The following MFHAS1 variants were observed in gnomAD, a reference collection of about 807,000 sequenced individuals.
MFHAS1 encodes the protein multifunctional ROCO family signaling regulator 1, also known as malignant fibrous histiocytoma-amplified sequence 1.
MFHAS1 carries 50 observed loss-of-function variants against 70.4 expected under a neutral mutation model. The observed-to-expected ratio is 0.71, with a 90% CI of 0.57 to 0.90. The LOEUF is 0.90. MFHAS1 is among the 40% of genes least tolerant of loss of function. MFHAS1 has a pLI of 0.00. For synonymous variants in MFHAS1, 952 were observed against 620.0 expected, an observed-to-expected ratio of 1.54 and a Z score of -7.96; for missense variants, 1,795 against 1,347.6, an observed-to-expected ratio of 1.33 and a Z score of -5.20.
At position 8,813,206 on chromosome 8, in the gene MFHAS1, G is replaced by C. The variant is rs139432931; in HGVS notation, c.2999-15715C>G. On this transcript the variant is annotated intron_variant, in intron 1 of 2. Transcript: ENST00000276282. Reference sequence around the variant, plus strand: ...TTATTCTTATGTTTGCAGTGATGCTGGTATAAACCACCTACTTCACTGCCA... The same window carrying C: ...TTATTCTTATGTTTGCAGTGATGCTCGTATAAACCACCTACTTCACTGCCA... 1.8e-4 allele frequency among the ~76,000 whole-genome samples: 28 copies of C among 152,270 alleles called. No individual in the cohort carries two copies. In the East Asian group the frequency reaches 4.6e-3, roughly 25 times the overall value.
At chr8:8,828,668 C>G (rs544444898) in intron 1 of MFHAS1, among the ~76,000 whole-genome samples, 1 of 152,240 alleles carries the variant, frequency 6.6e-6, no homozygotes, top group South Asian at 2.1e-4. Context: ...GAAGGAATAA[C>G]TGGAGATGCC....
At chr8:8,815,923 G>A (rs1380555419) in intron 1 of MFHAS1, among the ~76,000 whole-genome samples, 3 of 152,072 alleles carry the variant, frequency 2.0e-5, no homozygotes, top group South Asian at 2.1e-4. Flanking sequence ...TTAAAAGGTC[G>A]GCACATAAAC....
intron 1 of MFHAS1, among the ~76,000 whole-genome samples, chr8:8,854,891 G>A (rs1164965278): frequency 6.6e-6 from 1 of 151,742 alleles, no homozygotes. Context: ...TTTGGTTTTG[G>A]GTTTTTGGGG....
At chr8:8,848,483 A>G (rs1478577281) in intron 1 of MFHAS1, among the ~76,000 whole-genome samples, 1 of 152,194 alleles carries the variant, frequency 6.6e-6, no homozygotes, top group Non-Finnish European at 1.5e-5. Flanking sequence ...AGCCATTAAC[A>G]TAAAGAGACA....
In MFHAS1 at chr8:8,890,065, A is replaced by G. The variant is rs1419376357; in HGVS notation, c.2994T>C (p.Phe998=). ...CTTCTCCCTCTCTCCACTTACCTGG[A>G]AAAGCATGTGGATTGGGCGATCCTC... is the stretch of plus-strand genomic sequence containing the variant. The part of the protein sequence containing the change: ...LKRGSPNPHA[F]PGELLSQPRP... The change falls in exon 1 of 3, where the codon TTT becomes TTC. Residue 998 remains phenylalanine, a synonymous_variant. Coordinates refer to ENST00000276282, the MANE Select transcript of MFHAS1 (RefSeq NM_004225.3). 2 of 1,589,912 alleles carry G rather than the reference A, an allele frequency of 1.3e-6. No individual in the cohort carries two copies. The highest frequency in any genetic ancestry group is 2.7e-5 in the African/African-American group (2 of 74,484).
Position 8,808,222 on chromosome 8 carries a change from C to A in MFHAS1, c.2999-10731G>T, listed in dbSNP as rs541977181. 1.3e-3 allele frequency among the ~76,000 whole-genome samples: 189 copies of A among 150,896 alleles called. 4 individuals carry two copies. Among genetic ancestry groups the A allele is most frequent in the African/African-American group, 4.2e-3 (173 of 40,918 alleles). On this transcript the variant is annotated intron_variant, in intron 1 of 2. Transcript: ENST00000276282. ...GTGCCCCCACACTGTAGACGCTCCC[C>A]TGGGAACCCTCCTCTGCCCAGTGTC...
At chr8:8,791,760 G>A (rs1805726278) in intron 2 of MFHAS1, among the ~76,000 whole-genome samples, 1 of 152,182 alleles carries the variant, frequency 6.6e-6, no homozygotes, top group African/African-American at 2.4e-5. Flanking sequence ...TCAAGGCTCA[G>A]TACCCCTGAA....
At chr8:8,800,279 T>C (rs1335354069) in intron 1 of MFHAS1, among the ~76,000 whole-genome samples, 1 of 152,218 alleles carries the variant, frequency 6.6e-6, no homozygotes, top group Non-Finnish European at 1.5e-5. Flanking sequence ...TTAGCATCAT[T>C]AGCTTGTAGC....
At chr8:8,801,608 G>A (rs552373283) in intron 1 of MFHAS1, among the ~76,000 whole-genome samples, 186 of 152,304 alleles carry the variant, frequency 1.2e-3, no homozygotes, top group African/African-American at 4.3e-3. Flanking sequence ...ATGAAGAATG[G>A]TTTATTTGTG....
chr8:8,868,954 A>T (rs879407193), intron 1 of MFHAS1, among the ~76,000 whole-genome samples: 8 of 152,234 alleles, frequency 5.3e-5, no homozygotes, highest in Non-Finnish European at 1.0e-4. Context: ...AGTTTAGAGA[A>T]AGTCAGTGAG....
intron 1 of MFHAS1, among the ~76,000 whole-genome samples, chr8:8,812,673 C>A (rs1313258032): frequency 1.3e-5 from 2 of 152,174 alleles, no homozygotes; most frequent in African/African-American, 2.4e-5. Flanking sequence ...AATGTGGCTA[C>A]AGGCATGTTT....
chr8:8,828,562 A>C (rs1807250069), intron 1 of MFHAS1, among the ~76,000 whole-genome samples: 1 of 152,218 alleles, frequency 6.6e-6, no homozygotes, highest in Admixed American at 6.5e-5. Flanking sequence ...CCTGCAATTC[A>C]GTTTCAGACA....
chr8:8,800,129 G>A (rs565503000), intron 1 of MFHAS1, among the ~76,000 whole-genome samples: 1 of 152,244 alleles, frequency 6.6e-6, no homozygotes, highest in African/African-American at 2.4e-5. Context: ...TTTAATTAAT[G>A]AACTAAGCGG....
chr8:8,825,973 A>G (rs1333739737), intron 1 of MFHAS1, among the ~76,000 whole-genome samples: 4 of 152,208 alleles, frequency 2.6e-5, no homozygotes, highest in African/African-American at 9.6e-5. Context: ...TTGAGGCTGA[A>G]GTTCACAGAG....
chr8:8,878,619 TTA>T (rs1809386428), intron 1 of MFHAS1, among the ~76,000 whole-genome samples: 1 of 152,054 alleles, frequency 6.6e-6, no homozygotes, highest in Admixed American at 6.5e-5. Context: ...TTTTCTGGTT[TTA>T]TGTTTTCCCT....
Position 8,891,228 on chromosome 8 carries a change from G to T in MFHAS1, c.1831C>A (p.Gln611Lys), listed in dbSNP as rs766217777. ...KNLRRRKAHFQYLLNHRLQIL... is the reference protein window; with the variant it reads ...KNLRRRKAHFKYLLNHRLQIL... ...TGCAGCCGGTGGTTGAGCAGGTATT[G>T]AAAATGGGCCTTGCGCCGTCGAAGG... is the stretch of plus-strand genomic sequence containing the variant. The change falls in exon 1 of 3, where the codon CAA becomes AAA. Residue 611 changes from glutamine to lysine, a missense_variant. Physicochemically the swap from Gln to Lys is moderately conservative, Grantham distance 53. Coordinates refer to ENST00000276282, the MANE Select transcript of MFHAS1 (RefSeq NM_004225.3). This position sits in a 1 kb window ranked among gnomAD's most constrained non-coding sequence, Gnocchi z 5.4. 3 of 1,612,540 alleles carry T rather than the reference G, an allele frequency of 1.9e-6. No homozygotes were observed. The highest frequency in any genetic ancestry group is 2.5e-6 in the Non-Finnish European group (3 of 1,180,032).
rs764558119 is a variant in MFHAS1, at chr8:8,890,130, G to A, written c.2929C>T (p.His977Tyr). The stretch of plus-strand genomic sequence containing the variant: ...GAACAGAGAATGTGCACGGTGTAGT[G>A]CAGTCCAGGCCATTCCTGAAGTAGG... Reference protein sequence around the residue: ...NVLLQEWPGLHYTVHILCSKC... With the variant: ...NVLLQEWPGLYYTVHILCSKC... The change falls in exon 1 of 3, where the codon CAC becomes TAC. Residue 977 changes from histidine (H) to tyrosine (Y), a missense_variant. Physicochemically the swap from His to Tyr is moderately conservative, Grantham distance 83. Coordinates refer to ENST00000276282, the MANE Select transcript of MFHAS1 (RefSeq NM_004225.3). 9.9e-6 allele frequency: 16 copies of A among 1,614,070 alleles called. No homozygotes were observed. Among genetic ancestry groups the A allele is most frequent in the African/African-American group, 4.0e-5 (3 of 74,932 alleles).
intron 1 of MFHAS1, among the ~76,000 whole-genome samples, chr8:8,883,707 C>CAAAAAAAAAAAAAAAAA (rs35799658): frequency 1.0e-4 from 3 of 29,586 alleles, no homozygotes; most frequent in African/African-American, 4.3e-4. Context: ...GACTCAGTCT[C>CAAAAAAAAAAAAAAAAA]AAAAAAAAAA....
At chr8:8,801,905 T>A (rs994589717) in intron 1 of MFHAS1, among the ~76,000 whole-genome samples, 7 of 152,194 alleles carry the variant, frequency 4.6e-5, no homozygotes, top group African/African-American at 1.7e-4. Context: ...AGATTCATAC[T>A]GATTCACAGG....
Sources: gnomAD v4.1 joint callset for allele counts (sites outside exome capture counted in the v4.1 genomes callset) on GRCh38, gnomAD v4.1.1 for gene constraint, Gnocchi (gnomAD v3.1) non-coding constraint, MANE v1.5 for transcripts, NCBI Gene and HGNC (gene_info 2026-07-23, HGNC 2026-07-21) for gene names.